Variants in CHRM3 observed in about 807,000 individuals in gnomAD.
CHRM3 encodes the protein muscarinic acetylcholine receptor M3.
Under a neutral mutation model 41.8 loss-of-function variants are expected in CHRM3, and 11 were observed. That is an observed-to-expected ratio of 0.26 (90% confidence interval 0.17 to 0.44). The LOEUF (loss-of-function observed/expected upper bound fraction) is 0.44. CHRM3 is among the 20% of genes least tolerant of loss of function. CHRM3 has a pLI of 1.00. For missense variants in CHRM3, 571 were observed against 745.4 expected, an observed-to-expected ratio of 0.77 and a Z score of 2.72; for synonymous variants, 297 against 301.4, an observed-to-expected ratio of 0.99 and a Z score of 0.15.
At chr1:239,575,966 C>T (rs1662297276) in intron 3 of CHRM3, among the ~76,000 whole-genome samples, 1 of 152,042 alleles carries the variant, frequency 6.6e-6, no homozygotes. Flanking sequence ...ATTTCCCTAC[C>T]TCCCCTACCC....
chr1:239,699,882 T>G (rs933277737), intron 5 of CHRM3, among the ~76,000 whole-genome samples: 12 of 152,204 alleles, frequency 7.9e-5, no homozygotes, highest in African/African-American at 2.7e-4. Context: ...AAATTATTAG[T>G]TAGACTATCC....
chr1:239,726,607 G>C (rs1558490103), intron 5 of CHRM3, among the ~76,000 whole-genome samples: 1 of 151,870 alleles, frequency 6.6e-6, no homozygotes, highest in Non-Finnish European at 1.5e-5. Context: ...TTACTTGTCT[G>C]ATTCTCTATA....
intron 5 of CHRM3, among the ~76,000 whole-genome samples, chr1:239,817,594 C>T (rs541309579): frequency 1.3e-5 from 2 of 151,990 alleles, no homozygotes; most frequent in South Asian, 4.2e-4. Flanking sequence ...CTTTAGCCTC[C>T]ACCCCCACCC....
chr1:239,491,479 A>G (rs1319197661), intron 1 of CHRM3, among the ~76,000 whole-genome samples: 1 of 152,186 alleles, frequency 6.6e-6, no homozygotes, highest in African/African-American at 2.4e-5. Context: ...TACTTAACAT[A>G]ATCTTCTCCA....
At chr1:239,609,236 A>G (rs1212530913) in intron 3 of CHRM3, among the ~76,000 whole-genome samples, 1 of 152,232 alleles carries the variant, frequency 6.6e-6, no homozygotes, top group Non-Finnish European at 1.5e-5. Context: ...TTAAATGAAT[A>G]GGATGATAAA....
At chr1:239,822,203 G>A (rs1013987359) in intron 5 of CHRM3, among the ~76,000 whole-genome samples, 9 of 152,192 alleles carry the variant, frequency 5.9e-5, no homozygotes, top group Non-Finnish European at 1.2e-4. Flanking sequence ...TCTTTCGAAA[G>A]TATGGCCCCA....
intron 3 of CHRM3, among the ~76,000 whole-genome samples, chr1:239,577,289 GGTTAT>G (rs1189576271): frequency 6.6e-6 from 1 of 151,376 alleles, no homozygotes; most frequent in Non-Finnish European, 1.5e-5. Flanking sequence ...TCACTGATAA[GGTTAT>G]GTTATGACAC....
chr1:239,704,418 G>A (rs1660954472), intron 5 of CHRM3: 1 of 152,060 alleles, frequency 6.6e-6, no homozygotes, highest in African/African-American at 2.4e-5. Flanking sequence ...AAAAAAGGAG[G>A]GGAGGAAATC....
chr1:239,407,195 G>C (rs1660659442), intron 1 of CHRM3, among the ~76,000 whole-genome samples: 1 of 151,906 alleles, frequency 6.6e-6, no homozygotes, highest in Non-Finnish European at 1.5e-5. Flanking sequence ...ACTTCTGTTA[G>C]AGCTGTCCTC....
At chr1:239,637,517 C>CTTTT (rs149963225) in intron 4 of CHRM3, among the ~76,000 whole-genome samples, 17 of 48,520 alleles carry the variant, frequency 3.5e-4, no homozygotes, top group South Asian at 1.1e-3. Flanking sequence ...TCATCAAAGT[C>CTTTT]TTTTTTTTTT....
intron 1 of CHRM3, among the ~76,000 whole-genome samples, chr1:239,422,869 A>T (rs1201989606): frequency 6.6e-6 from 1 of 152,180 alleles, no homozygotes; most frequent in Admixed American, 6.5e-5. Context: ...ACACTTTGAC[A>T]AGAAGAAAAC....
chr1:239,896,186 G>A (rs73114844), intron 6 of CHRM3, among the ~76,000 whole-genome samples: 2,670 of 152,240 alleles, frequency 0.018, 88 homozygotes, highest in African/African-American at 0.061. Context: ...GAGTGCATCG[G>A]GGACATAGGC....
intron 2 of CHRM3, among the ~76,000 whole-genome samples, chr1:239,541,511 T>A (rs555914897): frequency 1.2e-4 from 19 of 152,208 alleles, no homozygotes; most frequent in Non-Finnish European, 2.6e-4. Context: ...TATTTTTATT[T>A]TTTATTTATT....
rs1680056018 is a variant in CHRM3, at chr1:239,907,423, T to C, written c.-19-10T>C. ...TTTTTCTAACTCTGTCTCTTCTCTC[T>C]TTCCCCCAGACTATGTCAGAGAGTC... On this transcript the variant is annotated splice_polypyrimidine_tract_variant and intron_variant, in intron 6 of 6. Transcript: ENST00000676153. This position sits in a 1 kb window ranked among gnomAD's most constrained non-coding sequence, Gnocchi z 5.4. 1 of 1,583,032 alleles carries C rather than the reference T, an allele frequency of 6.3e-7. No individual in the cohort carries two copies. The highest frequency in any genetic ancestry group is 1.8e-5 in the Admixed American group (1 of 55,986).
chr1:239,439,233 A>T (rs1034258276), intron 1 of CHRM3, among the ~76,000 whole-genome samples: 3 of 152,210 alleles, frequency 2.0e-5, no homozygotes, highest in Non-Finnish European at 4.4e-5. Flanking sequence ...ATCCGATTAG[A>T]ACCCCTGGAA....
chr1:239,514,815 C>A (rs12118163), intron 2 of CHRM3, among the ~76,000 whole-genome samples: 23,632 of 152,040 alleles, frequency 0.16, 2,312 homozygotes, highest in Non-Finnish European at 0.2. Context: ...TCCTCTCATT[C>A]TGACTCCTGG....
intron 5 of CHRM3, among the ~76,000 whole-genome samples, chr1:239,709,898 T>C (rs928108862): frequency 2.0e-5 from 3 of 152,210 alleles, no homozygotes; most frequent in African/African-American, 7.2e-5. Context: ...TAAAATAATA[T>C]CCACATTATT....
chr1:239,772,024 A>G (rs1228891577), intron 5 of CHRM3, among the ~76,000 whole-genome samples: 1 of 152,230 alleles, frequency 6.6e-6, no homozygotes, highest in African/African-American at 2.4e-5. Context: ...GAAAGATAAA[A>G]TAGGTGATAC....
chr1:239,730,836 A>G (rs1663900940), intron 5 of CHRM3, among the ~76,000 whole-genome samples: 1 of 151,930 alleles, frequency 6.6e-6, no homozygotes, highest in Non-Finnish European at 1.5e-5. Flanking sequence ...ATTGGGAAAG[A>G]AGGCAGAGAG....
Sources: allele counts gnomAD v4.1 joint callset (sites outside exome capture counted in the v4.1 genomes callset), GRCh38; gene constraint gnomAD v4.1.1; non-coding constraint Gnocchi (gnomAD v3.1); transcripts MANE v1.5; gene names NCBI Gene and HGNC (gene_info 2026-07-23, HGNC 2026-07-21).